ASPA: variants seen among roughly 807,000 people sequenced by gnomAD.
The protein encoded by ASPA is aspartoacylase, also known as ACY-2.
A neutral mutation model predicts 29.6 loss-of-function variants in ASPA; 25 were observed. That is an observed-to-expected ratio of 0.85 (90% CI 0.62 to 1.18). ASPA has a LOEUF of 1.18. Among genes scored for constraint, ASPA ranks in the 50% most tolerant of loss-of-function variants. The probability of loss-of-function intolerance (pLI) is 0.00; values close to 1 mark genes in which losing one functional copy is unlikely to be tolerated. For synonymous variants in ASPA, 131 were observed against 130.3 expected, an observed-to-expected ratio of 1.01 and a Z score of -0.04; for missense variants, 333 against 385.7, an observed-to-expected ratio of 0.86 and a Z score of 1.14.
chr17:3,484,638 G>A (rs997493085), intron 3 of ASPA, among the ~76,000 whole-genome samples: 2 of 152,198 alleles, frequency 1.3e-5, no homozygotes, highest in East Asian at 3.8e-4. Flanking sequence ...CAATACTTTT[G>A]TAAAATGTAA....
rs1308731777 is a variant in ASPA at position 3,502,884 on chromosome 17, A to G, written c.*3796A>G. Reference sequence around the variant, plus strand: ...AGGTCTTTGGGCTCCAGCTGTTGCCAGCAGAGGTGGTGAAAGTCAACAACA... The same window carrying G: ...AGGTCTTTGGGCTCCAGCTGTTGCCGGCAGAGGTGGTGAAAGTCAACAACA... On this transcript the variant is annotated 3_prime_UTR_variant, in exon 6 of 6. Coordinates refer to ENST00000263080, the MANE Select transcript of ASPA (RefSeq NM_000049.4). 6.6e-6 allele frequency: 1 copy of G among 152,292 alleles called. No homozygotes were observed. Among genetic ancestry groups the G allele is most frequent in the Non-Finnish European group, 1.5e-5 (1 of 68,078 alleles). 9.4% of individuals were successfully genotyped at this position (152,292 alleles called of 1,614,324 possible).
intron 1 of ASPA, among the ~76,000 whole-genome samples, chr17:3,480,438 T>C (rs1401144840): frequency 6.6e-6 from 1 of 152,084 alleles, no homozygotes; most frequent in Non-Finnish European, 1.5e-5. Flanking sequence ...TCATAGGGAG[T>C]TGGAGCTGTC....
rs1223937746 is a variant in ASPA, at chr17:3,500,544, C to T, written c.*1456C>T. ...TTGAGACGGAGTCTTGCTCTGTCGT[C>T]CAGGCTGGAGTGCAGTGGCGCAATC... On this transcript the variant is annotated 3_prime_UTR_variant, in exon 6 of 6. Transcript: ENST00000263080. 2.0e-5 allele frequency: 3 copies of T among 151,984 alleles called. No homozygotes were observed. Among genetic ancestry groups the T allele is most frequent in the Non-Finnish European group, 2.9e-5 (2 of 68,024 alleles). The allele number at this position is 151,984 out of a possible 1,614,324, so 9.4% of individuals were successfully genotyped here.
chr17:3,485,265 C>T lies in ASPA; in HGVS notation c.526+1673C>T, dbSNP rs2073699174. Among the ~76,000 whole-genome samples the T allele has an allele frequency of 6.6e-6, 1 of 152,192 alleles. No individual in the cohort carries two copies. Among genetic ancestry groups the T allele is most frequent in the African/African-American group, 2.4e-5 (1 of 41,440 alleles). On this transcript the variant is annotated intron_variant, in intron 3 of 5. Coordinates refer to ENST00000263080, the MANE Select transcript of ASPA (RefSeq NM_000049.4). The surrounding 1 kb of genome is among the most constrained non-coding windows in gnomAD (Gnocchi z 4.4). Reference sequence around the variant, plus strand: ...ATTCAAGCGATCCTCCCACCTTGGCCTCCCAAAGTGCTGGGATTACAAGCG... The same window carrying T: ...ATTCAAGCGATCCTCCCACCTTGGCTTCCCAAAGTGCTGGGATTACAAGCG...
intron 1 of ASPA, among the ~76,000 whole-genome samples, chr17:3,479,340 C>G (rs751779801): frequency 6.6e-6 from 1 of 152,140 alleles, no homozygotes; most frequent in East Asian, 1.9e-4. Flanking sequence ...TGATATAGAA[C>G]CAAAATTGTC....
rs570836185 is a variant in ASPA, at chr17:3,502,924, C to T, written c.*3836C>T. On this transcript the variant is annotated 3_prime_UTR_variant, in exon 6 of 6. Coordinates refer to ENST00000263080, the MANE Select transcript of ASPA (RefSeq NM_000049.4). ...AGTCAACAACAGGGCACTGGACACACATAGAAATGTGACCCACAGCTATGG... is the reference window on the plus strand; with the variant it reads ...AGTCAACAACAGGGCACTGGACACATATAGAAATGTGACCCACAGCTATGG... The T allele has an allele frequency of 2.0e-5, 3 of 152,344 alleles. No individual in the cohort carries two copies. The highest frequency in any genetic ancestry group is 2.1e-4 in the South Asian group (1 of 4,828). The allele number at this position is 152,344 out of a possible 1,614,324, so 9.4% of individuals were successfully genotyped here. A position where few individuals can be genotyped will look rare whatever the true frequency, so the allele number is the denominator to read the frequency against.
At position 3,479,650 on chromosome 17, in the gene ASPA, C is replaced by T. The variant is rs537384831; in HGVS notation, c.237-1953C>T. Among the ~76,000 whole-genome samples, 4 of 152,130 alleles carry T rather than the reference C, an allele frequency of 2.6e-5. No homozygotes were observed. In the South Asian group the frequency reaches 6.2e-4, roughly 24 times the overall value. Reference sequence around the variant, plus strand: ...CCACCTTCCCCCTGCACCGACTCGACGTGGTCCCTTCTACCTTCCCAGTGC... The same window carrying T: ...CCACCTTCCCCCTGCACCGACTCGATGTGGTCCCTTCTACCTTCCCAGTGC... On this transcript the variant is annotated intron_variant, in intron 1 of 5. Coordinates refer to ENST00000263080, the MANE Select transcript of ASPA (RefSeq NM_000049.4).
At position 3,496,927 on chromosome 17, in the gene ASPA, A is replaced by G. The variant is rs374500111; in HGVS notation, c.745-1964A>G. On this transcript the variant is annotated intron_variant, in intron 5 of 5. Coordinates refer to ENST00000263080, the MANE Select transcript of ASPA (RefSeq NM_000049.4). ...CAAAAATACAAAAAATTAGCCGGGCATGGTGGCAGGCGCCTGTAATCCCAG... is the reference window on the plus strand; with the variant it reads ...CAAAAATACAAAAAATTAGCCGGGCGTGGTGGCAGGCGCCTGTAATCCCAG... Among the ~76,000 whole-genome samples the G allele has an allele frequency of 8.9e-4, 135 of 152,174 alleles. 1 individual carries two copies. The highest frequency in any genetic ancestry group is 4.6e-3 in the Admixed American group (70 of 15,272).
chr17:3,486,852 A>C (rs2073731396), intron 3 of ASPA, among the ~76,000 whole-genome samples: 2 of 152,220 alleles, frequency 1.3e-5, no homozygotes, highest in South Asian at 4.1e-4. Flanking sequence ...TCCAAACCAA[A>C]AATTAATTTT....
chr17:3,482,554 C>A (rs754171929), intron 2 of ASPA, among the ~76,000 whole-genome samples: 4 of 152,134 alleles, frequency 2.6e-5, no homozygotes, highest in Non-Finnish European at 4.4e-5. Context: ...ACAAAACACA[C>A]CATTCCCAAA....
chr17:3,481,995 A>T (rs1297617449), intron 2 of ASPA, among the ~76,000 whole-genome samples, 197 bp downstream of exon 2: 1 of 152,142 alleles, frequency 6.6e-6, no homozygotes, highest in East Asian at 1.9e-4. Flanking sequence ...GGAGAAAAAG[A>T]GAGGAAATAA....
chr17:3,481,897 G>T, intron 2 of ASPA, 99 bp downstream of exon 2: 2 of 1,185,598 alleles, frequency 1.7e-6, no homozygotes, highest in Non-Finnish European at 2.4e-6. Context: ...GAGGGAAGGT[G>T]CAAGAGAAAT....
rs1210039248 is a variant in ASPA at position 3,485,993 on chromosome 17, C to A, written c.526+2401C>A. Reference sequence around the variant, plus strand: ...TGTTGCCAAGGCTGGAGTACAGTGGCACAATCTCGGCTCACTGCAACCTCC... The same window carrying A: ...TGTTGCCAAGGCTGGAGTACAGTGGAACAATCTCGGCTCACTGCAACCTCC... On this transcript the variant is annotated intron_variant, in intron 3 of 5. Transcript: ENST00000263080. This position sits in a 1 kb window ranked among gnomAD's most constrained non-coding sequence, Gnocchi z 4.4. Among the ~76,000 whole-genome samples, 1 of 149,474 alleles carries A rather than the reference C, an allele frequency of 6.7e-6. No individual in the cohort carries two copies. The highest frequency in any genetic ancestry group is 1.5e-5 in the Non-Finnish European group (1 of 67,762).
chr17:3,478,681 T>A (rs1168675776), intron 1 of ASPA, among the ~76,000 whole-genome samples: 1 of 152,194 alleles, frequency 6.6e-6, no homozygotes, highest in Non-Finnish European at 1.5e-5. Context: ...CTCCTTACTG[T>A]TAACACTGTT....
At chr17:3,484,742 C>A (rs561782157) in intron 3 of ASPA, among the ~76,000 whole-genome samples, 3 of 152,326 alleles carry the variant, frequency 2.0e-5, no homozygotes, top group Admixed American at 2.0e-4. Context: ...ACTTTAATTT[C>A]TGTACATATC....
At chr17:3,496,327 A>C (rs1484856262) in intron 5 of ASPA, among the ~76,000 whole-genome samples, 1 of 152,256 alleles carries the variant, frequency 6.6e-6, no homozygotes, top group African/African-American at 2.4e-5. Context: ...AAATCATTTC[A>C]AACTGTAATA....
intron 5 of ASPA, among the ~76,000 whole-genome samples, chr17:3,496,722 T>C (rs1035212615): frequency 7.9e-5 from 12 of 152,306 alleles, no homozygotes; most frequent in Admixed American, 7.8e-4. Flanking sequence ...ACTACTAAAG[T>C]AGCGCTTCTC....
chr17:3,491,976 C>T (rs2073834336), intron 4 of ASPA, among the ~76,000 whole-genome samples: 1 of 149,412 alleles, frequency 6.7e-6, no homozygotes, highest in Non-Finnish European at 1.5e-5. Context: ...TTCCTGGGCT[C>T]AAGCAATCCT....
rs2073784899 is a variant in ASPA, at chr17:3,489,455, T to G, written c.634+113T>G. On this transcript the variant is annotated intron_variant, in intron 4 of 5. Coordinates refer to ENST00000263080, the MANE Select transcript of ASPA (RefSeq NM_000049.4). ...AGATATGAAGTGCTTTTTAAAATTT[T>G]TATTCACTTCAGCTATTCCCCAATG... The G allele has an allele frequency of 2.6e-5, 23 of 882,308 alleles. No individual in the cohort carries two copies. The South Asian group carries it at 3.3e-4, about 13-fold the overall frequency. 54.7% of individuals were successfully genotyped at this position (882,308 alleles called of 1,614,324 possible).
Sources: gnomAD v4.1 joint callset for allele counts (sites outside exome capture counted in the v4.1 genomes callset) on GRCh38, gnomAD v4.1.1 for gene constraint, Gnocchi (gnomAD v3.1) non-coding constraint, MANE v1.5 for transcripts, NCBI Gene and HGNC (gene_info 2026-07-23, HGNC 2026-07-21) for gene names.